The following UBE2E3 variants were observed in gnomAD, a reference collection of about 807,000 sequenced individuals.
UBE2E3 encodes ubiquitin conjugating enzyme E2 E3.
In UBE2E3, 5 loss-of-function variants were observed where a neutral mutation model predicts 23.6. That is an observed-to-expected ratio of 0.21 (90% CI 0.11 to 0.44). UBE2E3 has a LOEUF of 0.44. Among genes scored for constraint, UBE2E3 ranks in the 20% least tolerant of loss-of-function variants. The probability of loss-of-function intolerance (pLI) is 0.99; values close to 1 mark genes in which losing one functional copy is unlikely to be tolerated. For missense variants in UBE2E3, 81 were observed against 249.8 expected, an observed-to-expected ratio of 0.32 and a Z score of 4.55; for synonymous variants, 78 against 87.5, an observed-to-expected ratio of 0.89 and a Z score of 0.60.
intron 3 of UBE2E3, among the ~76,000 whole-genome samples, chr2:180,985,194 T>G (rs1162351759): frequency 6.6e-6 from 1 of 152,170 alleles, no homozygotes; most frequent in East Asian, 1.9e-4. Flanking sequence ...GTAATTTCAG[T>G]TCAAACAGGA....
Position 180,984,070 on chromosome 2 carries a change from C to G in UBE2E3, c.222C>G (p.Thr74=), listed in dbSNP as rs781026081. 28 of 1,611,220 alleles carry G rather than the reference C, an allele frequency of 1.7e-5. No individual in the cohort carries two copies. The highest frequency in any genetic ancestry group is 1.1e-4 in the South Asian group (10 of 90,510). Residue 74 remains threonine, a synonymous_variant, in exon 3 of 6, where the codon ACC becomes ACG. Coordinates refer to ENST00000410062, the MANE Select transcript of UBE2E3 (RefSeq NM_006357.4). ...TTCAGAAGGAGCTAGCTGAAATAACCCTTGATCCTCCTCCTAATTGCAGGT... is the reference window on the plus strand; with the variant it reads ...TTCAGAAGGAGCTAGCTGAAATAACGCTTGATCCTCCTCCTAATTGCAGGT... The part of the protein sequence containing the change: ...KRIQKELAEI[T]LDPPPNCSAG...
intron 3 of UBE2E3, among the ~76,000 whole-genome samples, chr2:181,003,630 T>G (rs549458385): frequency 6.6e-6 from 1 of 151,934 alleles, no homozygotes; most frequent in South Asian, 2.1e-4. Context: ...AATTTGAATA[T>G]TATAAAACTT....
intron 2 of UBE2E3, among the ~76,000 whole-genome samples, chr2:180,983,416 C>G (rs1347468613): frequency 6.6e-6 from 1 of 152,122 alleles, no homozygotes; most frequent in East Asian, 1.9e-4. Flanking sequence ...TGCTTTTCTC[C>G]CCCTTAACTC....
chr2:181,011,951 C>T (rs1382212190), intron 3 of UBE2E3, among the ~76,000 whole-genome samples: 1 of 152,110 alleles, frequency 6.6e-6, no homozygotes. Context: ...AAAATGGACT[C>T]CATAGAGTGT....
intron 3 of UBE2E3, among the ~76,000 whole-genome samples, chr2:181,006,643 ATT>A (rs1685156893): frequency 6.6e-6 from 1 of 151,842 alleles, no homozygotes; most frequent in South Asian, 2.1e-4. Context: ...TAAACTTTTG[ATT>A]TTGAGATAAT....
At chr2:181,010,451 A>G (rs747633619) in intron 3 of UBE2E3, among the ~76,000 whole-genome samples, 1 of 152,158 alleles carries the variant, frequency 6.6e-6, no homozygotes, top group Non-Finnish European at 1.5e-5. Context: ...CAGTCTTATA[A>G]TCTGAAGAGT....
chr2:180,995,045 C>T (rs966743601), intron 3 of UBE2E3, among the ~76,000 whole-genome samples: 4 of 152,118 alleles, frequency 2.6e-5, no homozygotes, highest in African/African-American at 9.7e-5. Context: ...TCTAGTGTTG[C>T]AAGTATCTTC....
chr2:180,991,569 C>T (rs563877003), intron 3 of UBE2E3, among the ~76,000 whole-genome samples: 1 of 152,354 alleles, frequency 6.6e-6, no homozygotes, highest in Admixed American at 6.5e-5. Context: ...CTTGGGCCAC[C>T]TGGTGGCCAG....
intron 3 of UBE2E3, among the ~76,000 whole-genome samples, chr2:181,037,454 A>G (rs1408080471): frequency 1.3e-5 from 2 of 152,166 alleles, no homozygotes; most frequent in South Asian, 4.1e-4. Context: ...CAGTAGTGAT[A>G]TATATGCTCC....
chr2:181,039,052 T>C (rs956668252), intron 3 of UBE2E3, among the ~76,000 whole-genome samples: 17 of 151,794 alleles, frequency 1.1e-4, no homozygotes, highest in African/African-American at 3.9e-4. Context: ...TGTGACTCAG[T>C]GTTACTGGTT....
At chr2:181,012,464 T>TAC (rs1469326621) in intron 3 of UBE2E3, among the ~76,000 whole-genome samples, 17 of 152,120 alleles carry the variant, frequency 1.1e-4, no homozygotes, top group Non-Finnish European at 1.5e-5. Flanking sequence ...TAGGTGGGTG[T>TAC]ACACACACAC....
intron 2 of UBE2E3, among the ~76,000 whole-genome samples, chr2:180,982,996 T>C (rs1684349469): frequency 6.6e-6 from 1 of 152,176 alleles, no homozygotes; most frequent in South Asian, 2.1e-4. Context: ...TTGTTTCCTA[T>C]TGATTGATGT....
At chr2:181,013,647 C>T (rs183699677) in intron 3 of UBE2E3, among the ~76,000 whole-genome samples, 77 of 152,144 alleles carry the variant, frequency 5.1e-4, no homozygotes, top group African/African-American at 1.7e-3. Flanking sequence ...GTTTCAAGAG[C>T]GAATATTCTG....
intron 3 of UBE2E3, among the ~76,000 whole-genome samples, chr2:180,992,967 C>T (rs1180465521): frequency 6.6e-6 from 1 of 152,194 alleles, no homozygotes; most frequent in Non-Finnish European, 1.5e-5. Flanking sequence ...CAACCTACCA[C>T]ATTTATATAT....
chr2:181,053,250 C>T (rs1686895829), intron 3 of UBE2E3, among the ~76,000 whole-genome samples: 1 of 151,650 alleles, frequency 6.6e-6, no homozygotes, highest in African/African-American at 2.4e-5. Context: ...AATGTCTAAC[C>T]ATATATCATA....
At chr2:181,014,493 G>A (rs1336729059) in intron 3 of UBE2E3, among the ~76,000 whole-genome samples, 12 of 152,266 alleles carry the variant, frequency 7.9e-5, no homozygotes, top group African/African-American at 2.9e-4. Flanking sequence ...ATTGATTAGG[G>A]AAGGCTAAGG....
At chr2:181,022,709 AC>A (rs1223612740) in intron 3 of UBE2E3, among the ~76,000 whole-genome samples, 1 of 152,036 alleles carries the variant, frequency 6.6e-6, no homozygotes, top group Non-Finnish European at 1.5e-5. Flanking sequence ...AAAGCATGGT[AC>A]TAAGTAGGCT....
chr2:180,987,797 G>A (rs76867856), intron 3 of UBE2E3, among the ~76,000 whole-genome samples: 1,911 of 152,066 alleles, frequency 0.013, 36 homozygotes, highest in Middle Eastern at 0.037. Flanking sequence ...TTTCTAGGGC[G>A]GACTAGAACT....
chr2:181,007,355 G>A (rs76807428), intron 3 of UBE2E3, among the ~76,000 whole-genome samples: 5,969 of 152,156 alleles, frequency 0.039, 224 homozygotes, highest in African/African-American at 0.094. Flanking sequence ...TGTTTTCCAC[G>A]CAATTACTTA....
Sources: allele counts gnomAD v4.1 joint callset (sites outside exome capture counted in the v4.1 genomes callset), GRCh38; gene constraint gnomAD v4.1.1; transcripts MANE v1.5; gene names NCBI Gene and HGNC (gene_info 2026-07-23, HGNC 2026-07-21).